COL13A1: variants seen among roughly 807,000 people sequenced by gnomAD.
The protein encoded by COL13A1 is collagen alpha-1(XIII) chain.
Under a neutral mutation model 130.9 loss-of-function variants are expected in COL13A1, and 89 were observed. The observed-to-expected ratio is 0.68, with a 90% CI of 0.57 to 0.81. The LOEUF (loss-of-function observed/expected upper bound fraction) is 0.81, where lower values mean the gene tolerates loss of function less well. Ranked by LOEUF, COL13A1 falls within the 30% of genes least tolerant of loss-of-function variation. The probability of loss-of-function intolerance (pLI) is 0.00; values close to 1 mark genes in which losing one functional copy is unlikely to be tolerated. For synonymous variants in COL13A1, 402 were observed against 341.6 expected, an observed-to-expected ratio of 1.18 and a Z score of -1.95; for missense variants, 879 against 934.6, an observed-to-expected ratio of 0.94 and a Z score of 0.78.
chr10:69,913,989 T>C (rs2135437789), intron 17 of COL13A1, among the ~76,000 whole-genome samples: 1 of 152,262 alleles, frequency 6.6e-6, no homozygotes, highest in Admixed American at 6.5e-5. Context: ...GAGGGCTGCC[T>C]CCCGAGGAGG....
intron 39 of COL13A1, 133 bp from the exon 40 acceptor site, chr10:69,956,871 G>T: frequency 1.5e-6 from 1 of 686,154 alleles, no homozygotes; most frequent in Non-Finnish European, 2.7e-6. Context: ...GTAGAGAAAA[G>T]AAATAGACAA....
At chr10:69,922,506 C>T (rs1281409141) in intron 22 of COL13A1, among the ~76,000 whole-genome samples, 2 of 152,192 alleles carry the variant, frequency 1.3e-5, no homozygotes, top group South Asian at 2.1e-4. Flanking sequence ...TGAAGGATCC[C>T]TTGTGTCAGC....
chr10:69,875,161 G>A lies in COL13A1; in HGVS notation c.433G>A (p.Val145Met). 3 of 1,613,998 alleles carry A rather than the reference G, an allele frequency of 1.9e-6. No homozygotes were observed. The highest frequency in any genetic ancestry group is 2.5e-6 in the Non-Finnish European group (3 of 1,179,888). Reference protein sequence around the residue: ...DKGAIGMPGRVGVKGQPGEKG... With the variant: ...DKGAIGMPGRMGVKGQPGEKG... ...AGGTGCCATTGGGATGCCTGGACGT[G>A]TGGTGAGTTGGCCCGTTTGTACCTG... The change falls in exon 5 of 41, where the codon GTG becomes ATG. Residue 145 changes from valine (V) to methionine (M), a missense_variant and splice_region_variant. By Grantham distance (21) the Val-to-Met change is conservative. Transcript: ENST00000645393.
intron 23 of COL13A1, 74 bp downstream of exon 23, chr10:69,922,868 T>A: frequency 9.8e-7 from 1 of 1,019,628 alleles, no homozygotes; most frequent in Non-Finnish European, 1.4e-6. Context: ...TCTCGGGGAC[T>A]CTACGTCCCG....
At chr10:69,954,388 G>A (rs1000538160) in intron 39 of COL13A1, among the ~76,000 whole-genome samples, 1 of 152,220 alleles carries the variant, frequency 6.6e-6, no homozygotes, top group Non-Finnish European at 1.5e-5. Flanking sequence ...CCAGATACCA[G>A]CTAGGAAAGT....
rs949441535 is a variant in COL13A1, at chr10:69,827,550, T to C, written c.364+5112T>C. Among the ~76,000 whole-genome samples the C allele has an allele frequency of 7.9e-5, 12 of 152,312 alleles. No individual in the cohort carries two copies. The East Asian group carries it at 9.6e-4, about 12-fold the overall frequency. On this transcript the variant is annotated intron_variant, in intron 2 of 40. Coordinates refer to ENST00000645393, the MANE Select transcript of COL13A1 (RefSeq NM_001368882.1). ...GAGCAGGGATGTCACCTGATACAAT[T>C]TGTATTCTAGAACAATAACTAGCAG...
chr10:69,825,224 T>A (rs1160784144), intron 2 of COL13A1, among the ~76,000 whole-genome samples: 1 of 152,238 alleles, frequency 6.6e-6, no homozygotes, highest in Admixed American at 6.5e-5. Context: ...CTCTGGAATG[T>A]CTGAACATCC....
chr10:69,846,787 G>A (rs919211326), intron 2 of COL13A1, among the ~76,000 whole-genome samples: 39 of 152,238 alleles, frequency 2.6e-4, no homozygotes, highest in African/African-American at 9.4e-4. Context: ...CAGGGGCAGA[G>A]GAAGTTTCCC....
At chr10:69,818,995 C>G (rs1013598656) in intron 1 of COL13A1, among the ~76,000 whole-genome samples, 1 of 152,264 alleles carries the variant, frequency 6.6e-6, no homozygotes, top group South Asian at 2.1e-4. Context: ...CTGAAGTCTA[C>G]AGTCACCTGC....
At chr10:69,943,201 T>C (rs1222245359) in intron 35 of COL13A1, among the ~76,000 whole-genome samples, 1 of 152,192 alleles carries the variant, frequency 6.6e-6, no homozygotes, top group East Asian at 1.9e-4. Context: ...CCTTCCCTCC[T>C]TGTGGTTGCA....
intron 6 of COL13A1, among the ~76,000 whole-genome samples, 166 bp from the exon 7 acceptor site, chr10:69,880,337 C>T (rs899299039): frequency 2.6e-5 from 4 of 152,242 alleles, no homozygotes; most frequent in African/African-American, 7.2e-5. Context: ...CTGCTGATCC[C>T]CTCGTGGCCC....
rs117194484 is a variant in COL13A1, at chr10:69,923,817, G to A, written c.1246G>A (p.Asp416Asn). 1.3e-5 allele frequency: 21 copies of A among 1,611,300 alleles called. No individual in the cohort carries two copies. The African/African-American group carries it at 1.6e-4, about 12-fold the overall frequency. The change falls in exon 24 of 41, where the codon GAT becomes AAT. Residue 416 changes from aspartate (D) to asparagine (N), a missense_variant. Physicochemically the swap from Asp to Asn is conservative, Grantham distance 23. Transcript: ENST00000645393. ...TCTTCCCCAGGGAGAAGCAGGTGTC[G>A]ATGGCCAGGTTGGCCCCCCAGGGCA... ...PPGPKGEAGV[D>N]GQVGPPGQPG...
intron 1 of COL13A1, among the ~76,000 whole-genome samples, chr10:69,814,097 C>T (rs1292303077): frequency 6.6e-6 from 1 of 152,256 alleles, no homozygotes; most frequent in African/African-American, 2.4e-5. Flanking sequence ...AGTTATGCTG[C>T]AGGATGATCA....
At chr10:69,925,960 G>A (rs757640125) in intron 26 of COL13A1, 88 bp downstream of exon 26, 30 of 1,127,790 alleles carry the variant, frequency 2.7e-5, no homozygotes, top group East Asian at 2.6e-4. Flanking sequence ...CCACACAGCC[G>A]AGTAGGGGCC....
chr10:69,923,684 C>T (rs2064977655), intron 23 of COL13A1, 118 bp from the exon 24 acceptor site: 1 of 1,319,782 alleles, frequency 7.6e-7, no homozygotes, highest in African/African-American at 1.5e-5. Flanking sequence ...CAGAAGCCAT[C>T]AGGGAAAGAG....
In COL13A1 at chr10:69,925,022, C is replaced by T. The variant is rs758144894; in HGVS notation, c.1329+15C>T. On this transcript the variant is annotated intron_variant, in intron 25 of 40. Coordinates refer to ENST00000645393, the MANE Select transcript of COL13A1 (RefSeq NM_001368882.1). ...ATGGCCCCAAGGTATGTGCCTCTCCCTCCTGGAGTCACAGCGTGAAGCGGC... is the reference window on the plus strand; with the variant it reads ...ATGGCCCCAAGGTATGTGCCTCTCCTTCCTGGAGTCACAGCGTGAAGCGGC... The T allele has an allele frequency of 6.4e-7, 1 of 1,559,232 alleles. No homozygotes were observed. Among genetic ancestry groups the T allele is most frequent in the Non-Finnish European group, 8.7e-7 (1 of 1,154,610 alleles).
intron 39 of COL13A1, chr10:69,956,204 T>C (rs2070650368): frequency 6.6e-6 from 1 of 152,138 alleles, no homozygotes; most frequent in Admixed American, 6.5e-5. Flanking sequence ...AGATTCCCCA[T>C]AGGGTATGCC....
At chr10:69,879,758 T>C (rs2059946309) in intron 6 of COL13A1, among the ~76,000 whole-genome samples, 1 of 152,188 alleles carries the variant, frequency 6.6e-6, no homozygotes, top group African/African-American at 2.4e-5. Flanking sequence ...GGCACTTGTC[T>C]AGCTAGCTCA....
intron 31 of COL13A1, among the ~76,000 whole-genome samples, chr10:69,934,896 G>A (rs558794777): frequency 1.3e-5 from 2 of 152,130 alleles, no homozygotes; most frequent in Non-Finnish European, 2.9e-5. Flanking sequence ...GTCTACAAGG[G>A]TCAGGCCTGC....
Sources: gnomAD v4.1 joint callset for allele counts (sites outside exome capture counted in the v4.1 genomes callset) on GRCh38, gnomAD v4.1.1 for gene constraint, MANE v1.5 for transcripts, NCBI Gene and HGNC (gene_info 2026-07-23, HGNC 2026-07-21) for gene names.